DNAI4: variants seen among roughly 807,000 people sequenced by gnomAD.
The protein encoded by DNAI4 is dynein axonemal intermediate chain 4.
In DNAI4, 85 loss-of-function variants were observed where a neutral mutation model predicts 105.8. That is an observed-to-expected ratio of 0.80 (90% CI 0.67 to 0.96). The LOEUF is 0.96. Among genes scored for constraint, DNAI4 ranks in the 40% least tolerant of loss-of-function variants. The probability of loss-of-function intolerance (pLI) is 0.00; values close to 1 mark genes in which losing one functional copy is unlikely to be tolerated. For synonymous variants in DNAI4, 352 were observed against 331.5 expected, an observed-to-expected ratio of 1.06 and a Z score of -0.67; for missense variants, 1,014 against 1,005.6, an observed-to-expected ratio of 1.01 and a Z score of -0.11.
Position 66,835,902 on chromosome 1 carries a change from A to G in DNAI4, c.1582-125T>C, listed in dbSNP as rs978585880. 5.3e-6 allele frequency: 4 copies of G among 747,766 alleles called. No individual in the cohort carries two copies. The Admixed American group carries it at 1.0e-4, about 19-fold the overall frequency. The allele number at this position is 747,766 out of a possible 1,614,324, so 46.3% of individuals were successfully genotyped here. ...GAGCAGAGTTAGCCCACATTCAGTTACTTCTGTCTTCCTAATTTCCAGTAT... is the reference window on the plus strand; with the variant it reads ...GAGCAGAGTTAGCCCACATTCAGTTGCTTCTGTCTTCCTAATTTCCAGTAT... On this transcript the variant is annotated intron_variant, in intron 10 of 16. Coordinates refer to ENST00000371026, the MANE Select transcript of DNAI4 (RefSeq NM_024763.5).
At chr1:66,906,857 C>A (rs934471876) in intron 1 of DNAI4, 1 of 152,186 alleles carries the variant, frequency 6.6e-6, no homozygotes, top group Non-Finnish European at 1.5e-5. Context: ...CCACCTCCTA[C>A]AAACTCACTT....
At chr1:66,902,492 G>A (rs755938676) in intron 2 of DNAI4, among the ~76,000 whole-genome samples, 118 of 152,068 alleles carry the variant, frequency 7.8e-4, no homozygotes, top group Non-Finnish European at 1.6e-3. Flanking sequence ...CAAATATTTT[G>A]TACCATCCTG....
At chr1:66,859,589 CACTCA>C (rs886703707) in intron 7 of DNAI4, among the ~76,000 whole-genome samples, 1 of 152,096 alleles carries the variant, frequency 6.6e-6, no homozygotes, top group African/African-American at 2.4e-5. Flanking sequence ...AACTGTGGTA[CACTCA>C]TCCAATGGAA....
intron 1 of DNAI4, among the ~76,000 whole-genome samples, chr1:66,907,813 T>A (rs1557980618): frequency 6.6e-6 from 1 of 152,206 alleles, no homozygotes; most frequent in Non-Finnish European, 1.5e-5. Context: ...CTTACTCCCA[T>A]GGTCATACAT....
At chr1:66,864,302 T>C (rs544191433) in intron 6 of DNAI4, among the ~76,000 whole-genome samples, 1 of 152,340 alleles carries the variant, frequency 6.6e-6, no homozygotes, top group African/African-American at 2.4e-5. Flanking sequence ...AGATGGGTAA[T>C]AATGAATAAT....
intron 1 of DNAI4, 126 bp downstream of exon 1, chr1:66,924,536 A>G: frequency 7.8e-7 from 1 of 1,281,148 alleles, no homozygotes; most frequent in Non-Finnish European, 1.1e-6. Flanking sequence ...TAGGAGCTTC[A>G]AGGTCTACAG....
chr1:66,819,434 A>G (rs560081758), intron 16 of DNAI4, among the ~76,000 whole-genome samples: 1 of 152,060 alleles, frequency 6.6e-6, no homozygotes, highest in South Asian at 2.1e-4. Context: ...TCTGTTCTTT[A>G]TGACTTGATT....
At chr1:66,866,707 T>A (rs1447858579) in intron 6 of DNAI4, among the ~76,000 whole-genome samples, 1 of 152,230 alleles carries the variant, frequency 6.6e-6, no homozygotes, top group Admixed American at 6.5e-5. Flanking sequence ...GAAAATGTCT[T>A]TATTCTACCA....
At chr1:66,830,236 A>C (rs574351931) in intron 13 of DNAI4, among the ~76,000 whole-genome samples, 9 of 152,264 alleles carry the variant, frequency 5.9e-5, no homozygotes, top group African/African-American at 2.2e-4. Context: ...AGAAAACAAA[A>C]AAAAAATAGT....
chr1:66,847,638 A>G lies in DNAI4; in HGVS notation c.1137T>C (p.Ile379=). 6.2e-7 allele frequency: 1 copy of G among 1,613,322 alleles called. No individual in the cohort carries two copies. Among genetic ancestry groups the G allele is most frequent in the Non-Finnish European group, 8.5e-7 (1 of 1,179,788 alleles). Residue 379 remains isoleucine (I), a synonymous_variant, in exon 8 of 17, where the codon ATT becomes ATC. Coordinates refer to ENST00000371026, the MANE Select transcript of DNAI4 (RefSeq NM_024763.5). ...CCTCATCTTCATGGATTTTTGCCAG[A>G]ATTACATTTTCTATGTCCATTAGAG... The part of the protein sequence containing the change: ...TSSLMDIENV[I]LAKIHEDEED...
intron 5 of DNAI4, among the ~76,000 whole-genome samples, chr1:66,874,140 A>G (rs1646912304): frequency 6.6e-6 from 1 of 151,946 alleles, no homozygotes; most frequent in South Asian, 2.1e-4. Flanking sequence ...GCGGAACAAG[A>G]AAAATTATTA....
chr1:66,817,198 A>T (rs1237297570), intron 16 of DNAI4, among the ~76,000 whole-genome samples: 2 of 152,228 alleles, frequency 1.3e-5, no homozygotes, highest in South Asian at 4.1e-4. Context: ...TCAGTATACA[A>T]ACAAGGCTAC....
intron 6 of DNAI4, among the ~76,000 whole-genome samples, chr1:66,863,049 C>T (rs372485190): frequency 2.0e-4 from 31 of 152,194 alleles, no homozygotes; most frequent in Middle Eastern, 3.4e-3. Flanking sequence ...TATAGTAGTA[C>T]GGTTATTATC....
Position 66,840,556 on chromosome 1 carries a change from G to A in DNAI4, c.1407C>T (p.Pro469=), listed in dbSNP as rs763216936. The A allele has an allele frequency of 2.8e-5, 46 of 1,614,054 alleles. No individual in the cohort carries two copies. The highest frequency in any genetic ancestry group is 3.8e-5 in the Non-Finnish European group (45 of 1,180,028). The change falls in exon 9 of 17, where the codon CCC becomes CCT. Residue 469 remains proline, a synonymous_variant. Transcript: ENST00000371026. The part of the protein sequence containing the change: ...EEIHAEESTI[P]ANLERLWSFS... Reference sequence around the variant, plus strand: ...AAGACCAAAGTCGTTCCAAGTTGGCGGGTATTGTTGATTCTTCTGCATGTA... The same window carrying A: ...AAGACCAAAGTCGTTCCAAGTTGGCAGGTATTGTTGATTCTTCTGCATGTA...
intron 9 of DNAI4, 87 bp downstream of exon 9, chr1:66,840,382 T>C: frequency 7.8e-7 from 1 of 1,287,012 alleles, no homozygotes; most frequent in South Asian, 1.3e-5. Context: ...TTGTGCCATA[T>C]CTAAGGAAAA....
intron 16 of DNAI4, among the ~76,000 whole-genome samples, chr1:66,814,452 T>C (rs1645472273): frequency 6.6e-6 from 1 of 152,006 alleles, no homozygotes; most frequent in Non-Finnish European, 1.5e-5. Context: ...CACTGTAACC[T>C]CCGCCTCCTG....
intron 7 of DNAI4, among the ~76,000 whole-genome samples, chr1:66,850,441 G>T (rs1016598296): frequency 4.0e-5 from 6 of 151,194 alleles, no homozygotes; most frequent in African/African-American, 1.2e-4. Flanking sequence ...AAAAAAAAAA[G>T]TCTTCCCTAA....
intron 12 of DNAI4, 30 bp from the exon 13 acceptor site, chr1:66,833,736 G>A: frequency 2.5e-6 from 4 of 1,603,200 alleles, no homozygotes; most frequent in South Asian, 1.1e-5. Flanking sequence ...TATATAACTT[G>A]TTATTTACCA....
chr1:66,868,680 T>G (rs76129028), intron 6 of DNAI4, among the ~76,000 whole-genome samples: 3 of 152,124 alleles, frequency 2.0e-5, no homozygotes, highest in African/African-American at 7.2e-5. Context: ...TTAGCTTTCC[T>G]GTGTCCCCAG....
Sources: gnomAD v4.1 joint callset for allele counts (sites outside exome capture counted in the v4.1 genomes callset) on GRCh38, gnomAD v4.1.1 for gene constraint, MANE v1.5 for transcripts, NCBI Gene and HGNC (gene_info 2026-07-23, HGNC 2026-07-21) for gene names.